DNAI3: variants seen among roughly 807,000 people sequenced by gnomAD.
The protein encoded by DNAI3 is dynein axonemal intermediate chain 3.
DNAI3 carries 83 observed loss-of-function variants against 115.5 expected under a neutral mutation model. That is an observed-to-expected ratio of 0.72 (90% CI 0.60 to 0.86). The LOEUF (loss-of-function observed/expected upper bound fraction) is 0.86, where lower values mean the gene tolerates loss of function less well. Ranked by LOEUF, DNAI3 falls within the 40% of genes least tolerant of loss-of-function variation. The pLI is 0.00. For missense variants in DNAI3, 1,004 were observed against 1,075.8 expected, an observed-to-expected ratio of 0.93 and a Z score of 0.93; for synonymous variants, 320 against 347.0, an observed-to-expected ratio of 0.92 and a Z score of 0.86.
chr1:85,121,097 C>T (rs775651076), intron 17 of DNAI3, among the ~76,000 whole-genome samples: 9 of 152,144 alleles, frequency 5.9e-5, no homozygotes, highest in Non-Finnish European at 8.8e-5. Flanking sequence ...CCAATGACAG[C>T]GAGGGACTAA....
intron 3 of DNAI3, among the ~76,000 whole-genome samples, chr1:85,076,952 G>T (rs1212647024): frequency 1.3e-5 from 2 of 152,092 alleles, no homozygotes; most frequent in Non-Finnish European, 2.9e-5. Flanking sequence ...TCACCTTCCT[G>T]AGCCTCTGCT....
chr1:85,104,097 A>G (rs1655411692), intron 13 of DNAI3, among the ~76,000 whole-genome samples: 1 of 151,328 alleles, frequency 6.6e-6, no homozygotes, highest in Non-Finnish European at 1.5e-5. Flanking sequence ...CTGTTTCACA[A>G]ACTTCTGAGA....
intron 8 of DNAI3, among the ~76,000 whole-genome samples, chr1:85,090,605 T>C (rs1654942836): frequency 6.6e-6 from 1 of 152,252 alleles, no homozygotes; most frequent in Non-Finnish European, 1.5e-5. Context: ...GCCATTATTA[T>C]GATGATAAGT....
intron 1 of DNAI3, among the ~76,000 whole-genome samples, chr1:85,065,985 A>G (rs927585524): frequency 6.6e-6 from 1 of 152,156 alleles, no homozygotes; most frequent in Non-Finnish European, 1.5e-5. Context: ...ACAGGTTTTG[A>G]TCTGTTATGC....
chr1:85,124,317 C>A lies in DNAI3; in HGVS notation c.2112+66C>A. 3.1e-6 allele frequency: 5 copies of A among 1,610,142 alleles called. No individual in the cohort carries two copies. The East Asian group carries it at 8.9e-5, about 29-fold the overall frequency. Reference sequence around the variant, plus strand: ...TTGTTATTCAGAAAGACAAGAGGAACTGTTATGTTCTGACATAATAGTGCC... The same window carrying A: ...TTGTTATTCAGAAAGACAAGAGGAAATGTTATGTTCTGACATAATAGTGCC... On this transcript the variant is annotated intron_variant, in intron 19 of 22. Coordinates refer to ENST00000294664, the MANE Select transcript of DNAI3 (RefSeq NM_145172.5).
intron 1 of DNAI3, among the ~76,000 whole-genome samples, chr1:85,071,187 G>A (rs944382229): frequency 1.3e-5 from 2 of 152,168 alleles, no homozygotes; most frequent in Admixed American, 1.3e-4. Context: ...TAAGTAATTT[G>A]CCCAAGGTTA....
chr1:85,089,959 CA>C (rs1007970711), intron 7 of DNAI3, among the ~76,000 whole-genome samples, 156 bp from the exon 8 acceptor site: 23 of 151,986 alleles, frequency 1.5e-4, no homozygotes, highest in African/African-American at 5.6e-4. Context: ...TGGTCAATAT[CA>C]GTTGTCTAGG....
At chr1:85,091,782 C>T (rs2100578513) in intron 8 of DNAI3, among the ~76,000 whole-genome samples, 1 of 152,268 alleles carries the variant, frequency 6.6e-6, no homozygotes, top group East Asian at 1.9e-4. Context: ...AACAGTTTTG[C>T]TAGCCTCCAA....
chr1:85,093,832 G>A, intron 9 of DNAI3, 184 bp downstream of exon 9: 1 of 725,390 alleles, frequency 1.4e-6, no homozygotes. Flanking sequence ...CAACCCTGTA[G>A]GATACACACC....
intron 13 of DNAI3, among the ~76,000 whole-genome samples, chr1:85,099,978 G>A (rs1655241667): frequency 6.6e-6 from 1 of 152,086 alleles, no homozygotes; most frequent in Non-Finnish European, 1.5e-5. Flanking sequence ...AATTCAAGAT[G>A]GATTAAAGAC....
chr1:85,126,274 A>C (rs1656129891), intron 19 of DNAI3, among the ~76,000 whole-genome samples: 1 of 152,226 alleles, frequency 6.6e-6, no homozygotes, highest in South Asian at 2.1e-4. Context: ...TCAACAACTT[A>C]ATTGGAATGT....
chr1:85,126,694 A>G lies in DNAI3; in HGVS notation c.2296A>G (p.Ile766Val). Residue 766 changes from isoleucine (I) to valine (V), a missense_variant, in exon 20 of 23, where the codon ATC becomes GTC. Ile to Val is a conservative substitution (Grantham distance 29). This residue lies in a region of DNAI3 where 429 missense variants were observed against 454.3 expected (regional missense o/e 0.94). Transcript: ENST00000294664. ...QNICITMITY[I>V]KPWIFSSKQQ... ...CATTTGCATAACTATGATCACCTACATCAAACCCTGGATCTTTTCTTGTAT... is the reference window on the plus strand; with the variant it reads ...CATTTGCATAACTATGATCACCTACGTCAAACCCTGGATCTTTTCTTGTAT... 4 of 1,614,146 alleles carry G rather than the reference A, an allele frequency of 2.5e-6. No individual in the cohort carries two copies. The highest frequency in any genetic ancestry group is 3.4e-6 in the Non-Finnish European group (4 of 1,180,002).
chr1:85,085,904 G>A lies in DNAI3; in HGVS notation c.614G>A (p.Ser205Asn), dbSNP rs769472201. 6.2e-7 allele frequency: 1 copy of A among 1,614,156 alleles called. No individual in the cohort carries two copies. The highest frequency in any genetic ancestry group is 1.1e-5 in the South Asian group (1 of 91,084). ...AAGTTCAGTGACCAGAATGCTTCCA[G>A]TGTAAAAGATGCCTATATTGAATGT... ...PIKFSDQNASSVKDAYIECTA... is the reference protein window; with the variant it reads ...PIKFSDQNASNVKDAYIECTA... Residue 205 changes from serine to asparagine, a missense_variant, in exon 7 of 23, where the codon AGT becomes AAT. Coordinates refer to ENST00000294664, the MANE Select transcript of DNAI3 (RefSeq NM_145172.5).
At chr1:85,070,058 C>T (rs1474102939) in intron 1 of DNAI3, among the ~76,000 whole-genome samples, 3 of 151,966 alleles carry the variant, frequency 2.0e-5, no homozygotes, top group South Asian at 2.1e-4. Flanking sequence ...GTCAGGAGTT[C>T]GAGACCAGCC....
chr1:85,096,484 T>G (rs1044430996), intron 11 of DNAI3, among the ~76,000 whole-genome samples: 2 of 146,372 alleles, frequency 1.4e-5, no homozygotes, highest in South Asian at 4.3e-4. Flanking sequence ...ATAGATTATA[T>G]ATATATATAA....
chr1:85,091,646 C>G (rs1654979436), intron 8 of DNAI3, among the ~76,000 whole-genome samples: 1 of 152,282 alleles, frequency 6.6e-6, no homozygotes, highest in African/African-American at 2.4e-5. Flanking sequence ...AGAATTTTAT[C>G]TAAAACAAAC....
intron 1 of DNAI3, among the ~76,000 whole-genome samples, chr1:85,071,274 C>G (rs1336823771): frequency 6.6e-6 from 1 of 152,178 alleles, no homozygotes; most frequent in Non-Finnish European, 1.5e-5. Context: ...ACCATTTAAA[C>G]AGAATGGGAC....
chr1:85,067,866 A>C (rs554963989), intron 1 of DNAI3, among the ~76,000 whole-genome samples: 1 of 152,368 alleles, frequency 6.6e-6, no homozygotes, highest in East Asian at 1.9e-4. Context: ...CTGGAAAGAA[A>C]GGAATGCAGC....
intron 14 of DNAI3, among the ~76,000 whole-genome samples, chr1:85,107,274 C>T (rs1655515807): frequency 6.6e-6 from 1 of 152,124 alleles, no homozygotes; most frequent in Admixed American, 6.5e-5. Flanking sequence ...TACAAATGTT[C>T]ACTGGCAGCA....
Sources: allele counts gnomAD v4.1 joint callset (sites outside exome capture counted in the v4.1 genomes callset), GRCh38; gene constraint gnomAD v4.1.1; regional missense constraint gnomAD v4.1.1; transcripts MANE v1.5; gene names NCBI Gene and HGNC (gene_info 2026-07-23, HGNC 2026-07-21).